The following FBXO5 variants were observed in gnomAD, a reference collection of about 807,000 sequenced individuals.
The protein encoded by FBXO5 is F-box protein 5, also known as F-box only protein 5.
In FBXO5, 8 loss-of-function variants were observed where a neutral mutation model predicts 43.3. That is an observed-to-expected ratio of 0.18 (90% CI 0.11 to 0.33). The LOEUF (loss-of-function observed/expected upper bound fraction) is 0.33, where lower values mean the gene tolerates loss of function less well. Among genes scored for constraint, FBXO5 ranks in the 10% least tolerant of loss-of-function variants. FBXO5 has a pLI of 1.00. For missense variants in FBXO5, 491 were observed against 535.7 expected, an observed-to-expected ratio of 0.92 and a Z score of 0.82; for synonymous variants, 204 against 193.7, an observed-to-expected ratio of 1.05 and a Z score of -0.44.
At chr6:152,982,346 G>A (rs1025258900) in intron 1 of FBXO5, among the ~76,000 whole-genome samples, 4 of 152,092 alleles carry the variant, frequency 2.6e-5, no homozygotes, top group African/African-American at 9.7e-5. Context: ...GGCTGGGACC[G>A]CGAAAAATCG....
rs181750758 is a variant in FBXO5 at position 152,979,104 on chromosome 6, G to A, written c.104-3483C>T. Among the ~76,000 whole-genome samples, 327 of 152,246 alleles carry A rather than the reference G, an allele frequency of 2.1e-3. 1 individual carries two copies. Among genetic ancestry groups the A allele is most frequent in the African/African-American group, 7.4e-3 (308 of 41,544 alleles). On this transcript the variant is annotated intron_variant, in intron 1 of 4. Coordinates refer to ENST00000229758, the MANE Select transcript of FBXO5 (RefSeq NM_012177.5). ...AGTGCAGAATTCCTGTACACCCATT[G>A]CTTAACTTATATTACTAACAGTAAT... is the stretch of plus-strand genomic sequence containing the variant.
chr6:152,971,654 AAT>A (rs1457036668), intron 4 of FBXO5, among the ~76,000 whole-genome samples: 3 of 152,162 alleles, frequency 2.0e-5, no homozygotes, highest in Admixed American at 6.5e-5. Flanking sequence ...AAAATTTAAG[AAT>A]AGTTTTATTA....
chr6:152,974,614 A>G (rs911686611), intron 2 of FBXO5, among the ~76,000 whole-genome samples: 1 of 152,240 alleles, frequency 6.6e-6, no homozygotes, highest in African/African-American at 2.4e-5. Context: ...CAACAGGTTG[A>G]GCATCTCTAA....
Position 152,982,964 on chromosome 6 carries a change from G to T in FBXO5, c.-5C>A. 1 of 1,401,834 alleles carries T rather than the reference G, an allele frequency of 7.1e-7. No homozygotes were observed. Among genetic ancestry groups the T allele is most frequent in the Non-Finnish European group, 9.2e-7 (1 of 1,086,282 alleles). 86.8% of individuals were successfully genotyped at this position (1,401,834 alleles called of 1,614,324 possible). A position where few individuals can be genotyped will look rare whatever the true frequency, so the allele number is the denominator to read the frequency against. On this transcript the variant is annotated 5_prime_UTR_variant, in exon 1 of 5. In the 5' UTR this introduces an upstream ATG that the reference lacks. Transcript: ENST00000229758. The stretch of plus-strand genomic sequence containing the variant: ...GCTGCAGGGGCGCCGGCTCATGCCA[G>T]CCGACGTGGAGTCTGCCTCAGGTGG...
rs779584167 is a variant in FBXO5, at chr6:152,975,110, T to C, written c.615A>G (p.Leu205=). The part of the protein sequence containing the change: ...LHFEKVVCST[L]KKNAKRNPKV... ...TAGGATTTCGTTTTGCATTCTTTTT[T>C]AATGTTGAACAAACCACTTTTTCAA... Residue 205 remains leucine, a synonymous_variant, in exon 2 of 5, where the codon TTA becomes TTG. Transcript: ENST00000229758. The C allele has an allele frequency of 1.2e-6, 2 of 1,614,122 alleles. No individual in the cohort carries two copies. Among genetic ancestry groups the C allele is most frequent in the African/African-American group, 2.7e-5 (2 of 74,946 alleles).
rs2129092916 is a variant in FBXO5 at position 152,971,057 on chromosome 6, C to T, written c.*106G>A. The T allele has an allele frequency of 8.4e-7, 1 of 1,185,202 alleles. No homozygotes were observed. Among genetic ancestry groups the T allele is most frequent in the Non-Finnish European group, 1.2e-6 (1 of 864,700 alleles). The allele number at this position is 1,185,202 out of a possible 1,614,324, so 73.4% of individuals were successfully genotyped here. A position where few individuals can be genotyped will look rare whatever the true frequency, so the allele number is the denominator to read the frequency against. On this transcript the variant is annotated 3_prime_UTR_variant, in exon 5 of 5. Transcript: ENST00000229758. ...GGGAAAAAAACCTCAGGATACTACACCGATTTCAACATAAAATTGAAAATC... is the reference window on the plus strand; with the variant it reads ...GGGAAAAAAACCTCAGGATACTACATCGATTTCAACATAAAATTGAAAATC...
intron 2 of FBXO5, 89 bp downstream of exon 2, chr6:152,974,817 CA>C (rs142194165): frequency 9.9e-7 from 1 of 1,012,346 alleles, no homozygotes; most frequent in East Asian, 2.4e-5. Context: ...TCAACCTGTA[CA>C]ACAGCCTTTG....
intron 4 of FBXO5, 52 bp from the exon 5 acceptor site, chr6:152,971,466 C>A (rs1778084667): frequency 3.2e-6 from 5 of 1,542,542 alleles, no homozygotes; most frequent in Non-Finnish European, 4.3e-6. Flanking sequence ...ATTACATGTA[C>A]TTTAGTTAAT....
chr6:152,979,908 T>G (rs1198304470), intron 1 of FBXO5, among the ~76,000 whole-genome samples: 1 of 151,832 alleles, frequency 6.6e-6, no homozygotes, highest in African/African-American at 2.4e-5. Flanking sequence ...TGTGGTTTCC[T>G]TTTTTTTGGA....
In FBXO5 at chr6:152,971,199, A is replaced by T; in HGVS notation, c.1308T>A (p.Gly436=). ...GTAAATTCTTTTTGCTTTTCTTTGTACCAGGCAGGGGACCTATTTTACAAC... is the reference window on the plus strand; with the variant it reads ...GTAAATTCTTTTTGCTTTTCTTTGTTCCAGGCAGGGGACCTATTTTACAAC... ...KASCKIGPLP[G]TKKSKKNLRR... Residue 436 remains glycine (G), a synonymous_variant, in exon 5 of 5, where the codon GGT becomes GGA. Transcript: ENST00000229758. 6.2e-7 allele frequency: 1 copy of T among 1,612,804 alleles called. No homozygotes were observed. The highest frequency in any genetic ancestry group is 8.5e-7 in the Non-Finnish European group (1 of 1,179,646).
At chr6:152,974,396 A>G (rs879925211) in intron 2 of FBXO5, among the ~76,000 whole-genome samples, 6 of 152,196 alleles carry the variant, frequency 3.9e-5, no homozygotes, top group Admixed American at 3.9e-4. Context: ...GTTAAGCCCC[A>G]AAGATGTAAC....
intron 4 of FBXO5, among the ~76,000 whole-genome samples, chr6:152,971,703 A>C (rs543802422): frequency 6.6e-6 from 1 of 152,318 alleles, no homozygotes. Context: ...ATGAATCAGA[A>C]AATATTCTAT....
intron 2 of FBXO5, chr6:152,973,477 A>C (rs1236150382): frequency 5.4e-6 from 1 of 186,342 alleles, no homozygotes; most frequent in African/African-American, 2.3e-5. Context: ...GTAATAGACA[A>C]ATTTCAAAGT....
At chr6:152,972,935 A>C in intron 3 of FBXO5, 111 bp downstream of exon 3, 1 of 709,362 alleles carries the variant, frequency 1.4e-6, no homozygotes. Flanking sequence ...ATAAGGCTGA[A>C]ATACTTTATG....
At chr6:152,981,606 A>T (rs1778259683) in intron 1 of FBXO5, among the ~76,000 whole-genome samples, 1 of 151,976 alleles carries the variant, frequency 6.6e-6, no homozygotes, top group Admixed American at 6.5e-5. Flanking sequence ...TCCAACAGGC[A>T]GTCATTTCTT....
intron 1 of FBXO5, among the ~76,000 whole-genome samples, chr6:152,977,982 C>T (rs1468984657): frequency 1.3e-5 from 2 of 152,078 alleles, no homozygotes; most frequent in Non-Finnish European, 2.9e-5. Flanking sequence ...TGCTTACAAA[C>T]CTTTTGAGGT....
chr6:152,983,302 C>CT, upstream of FBXO5: 1 of 246,036 alleles, frequency 4.1e-6, no homozygotes, highest in Non-Finnish European at 7.8e-6. Flanking sequence ...GGCCGCGGCC[C>CT]GGCCACACGT....
intron 1 of FBXO5, among the ~76,000 whole-genome samples, chr6:152,982,149 ACGTTTTTGTTTGG>A (rs1778269687): frequency 1.3e-5 from 2 of 152,202 alleles, no homozygotes; most frequent in Admixed American, 1.3e-4. Flanking sequence ...GGAAAAAGTA[ACGTTTTTGTTTGG>A]ATGTCCCAGT....
chr6:152,971,162 A>G lies in FBXO5; in HGVS notation c.*1T>C. On this transcript the variant is annotated 3_prime_UTR_variant, in exon 5 of 5. Coordinates refer to ENST00000229758, the MANE Select transcript of FBXO5 (RefSeq NM_012177.5). ...TCAGTAACAATTGATTTAATAAGAGATCACAATCTTCGTAAATTCTTTTTG... is the reference window on the plus strand; with the variant it reads ...TCAGTAACAATTGATTTAATAAGAGGTCACAATCTTCGTAAATTCTTTTTG... 6.2e-7 allele frequency: 1 copy of G among 1,604,092 alleles called. No homozygotes were observed. Among genetic ancestry groups the G allele is most frequent in the Middle Eastern group, 1.7e-4 (1 of 5,902 alleles).
Sources: allele counts gnomAD v4.1 joint callset (sites outside exome capture counted in the v4.1 genomes callset), GRCh38; gene constraint gnomAD v4.1.1; transcripts MANE v1.5; gene names NCBI Gene and HGNC (gene_info 2026-07-23, HGNC 2026-07-21).